Variants in TRNT1 observed in about 807,000 individuals in gnomAD.
TRNT1 encodes tRNA nucleotidyl transferase 1, also known as CCA tRNA nucleotidyltransferase 1, mitochondrial.
In TRNT1, 44 loss-of-function variants were observed where a neutral mutation model predicts 45.6. That is an observed-to-expected ratio of 0.97 (90% CI 0.76 to 1.24). The LOEUF (loss-of-function observed/expected upper bound fraction) is 1.24, where lower values mean the gene tolerates loss of function less well. TRNT1 is among the 50% of genes most tolerant of loss of function. The probability of loss-of-function intolerance (pLI) is 0.00; values close to 1 mark genes in which losing one functional copy is unlikely to be tolerated. For synonymous variants in TRNT1, 201 were observed against 171.4 expected (o/e 1.17, Z -1.35); for missense variants, 633 against 504.4 (o/e 1.25, Z -2.44).
chr3:3,140,736 T>C (rs1047883464), intron 4 of TRNT1, 88 bp downstream of exon 4: 25 of 1,472,766 alleles, frequency 1.7e-5, no homozygotes, highest in Non-Finnish European at 1.9e-5. Flanking sequence ...GTTCTTCAAC[T>C]TGAGAAGTTG....
At chr3:3,129,847 G>A in intron 2 of TRNT1, 1 of 1,549,104 alleles carries the variant, frequency 6.5e-7, no homozygotes, top group Non-Finnish European at 8.7e-7. Context: ...TAACTAGAGA[G>A]CTAGGTTTCG....
chr3:3,143,185 T>A (rs530474138), intron 4 of TRNT1, among the ~76,000 whole-genome samples: 1 of 152,280 alleles, frequency 6.6e-6, no homozygotes, highest in East Asian at 1.9e-4. Context: ...AAATTCCTTT[T>A]TCTATTTTTT....
In TRNT1 at chr3:3,148,389, G is replaced by A. The variant is rs1706209649; in HGVS notation, c.*235G>A. 4.8e-6 allele frequency: 2 copies of A among 414,950 alleles called. No individual in the cohort carries two copies. The highest frequency in any genetic ancestry group is 8.2e-5 in the Admixed American group (2 of 24,270). The allele number at this position is 414,950 out of a possible 1,614,324, so 25.7% of individuals were successfully genotyped here. On this transcript the variant is annotated 3_prime_UTR_variant, in exon 8 of 8. Transcript: ENST00000251607. ...GTTCTTTTGGAATAGTTTCACCTGAGAAAACATAGTTGGCTATTATCTATC... is the reference window on the plus strand; with the variant it reads ...GTTCTTTTGGAATAGTTTCACCTGAAAAAACATAGTTGGCTATTATCTATC...
intron 4 of TRNT1, among the ~76,000 whole-genome samples, chr3:3,142,807 A>C (rs1474894265): frequency 6.6e-6 from 1 of 152,130 alleles, no homozygotes; most frequent in African/African-American, 2.4e-5. Flanking sequence ...TGGATATACC[A>C]TATTATTTGC....
At chr3:3,133,857 C>T (rs1366480498) in intron 2 of TRNT1, among the ~76,000 whole-genome samples, 1 of 152,086 alleles carries the variant, frequency 6.6e-6, no homozygotes, top group Admixed American at 6.5e-5. Context: ...AGCTCCCACT[C>T]ACTGCCCCTT....
rs746183497 is a variant in TRNT1 at position 3,147,603 on chromosome 3, A to G, written c.956A>G (p.Glu319Gly). The G allele has an allele frequency of 1.2e-6, 2 of 1,613,988 alleles. No individual in the cohort carries two copies. The highest frequency in any genetic ancestry group is 1.1e-5 in the South Asian group (1 of 91,080). ...TTGAGGTTGAAGATCGCAAAAGAGGAGAAAAACCTTGGCTTATTTATAGTT... is the reference window on the plus strand; with the variant it reads ...TTGAGGTTGAAGATCGCAAAAGAGGGGAAAAACCTTGGCTTATTTATAGTT... ...LDLRLKIAKEEKNLGLFIVKN... is the reference protein window; with the variant it reads ...LDLRLKIAKEGKNLGLFIVKN... The change falls in exon 7 of 8, where the codon GAG becomes GGG. Residue 319 changes from glutamate (E) to glycine (G), a missense_variant. Glu to Gly is a moderately conservative substitution (Grantham distance 98). Transcript: ENST00000251607.
intron 3 of TRNT1, among the ~76,000 whole-genome samples, chr3:3,139,893 G>T (rs1223103993): frequency 6.6e-6 from 1 of 151,938 alleles, no homozygotes; most frequent in East Asian, 1.9e-4. Context: ...CACCTGGCTG[G>T]TTTTTTTGTA....
chr3:3,137,552 A>G, intron 3 of TRNT1, 99 bp downstream of exon 3: 1 of 1,058,832 alleles, frequency 9.4e-7, no homozygotes, highest in Non-Finnish European at 1.3e-6. Context: ...AGTCTAATAA[A>G]AAAGTCAGTC....
chr3:3,137,370 A>G lies in TRNT1; in HGVS notation c.259A>G (p.Thr87Ala), dbSNP rs140935012. The G allele has an allele frequency of 2.1e-4, 331 of 1,613,814 alleles. No individual in the cohort carries two copies. Among genetic ancestry groups the G allele is most frequent in the Non-Finnish European group, 2.7e-4 (318 of 1,179,888 alleles). Residue 87 changes from threonine (T) to alanine (A), a missense_variant, in exon 3 of 8, where the codon ACT (threonine) becomes GCT (alanine). Transcript: ENST00000251607. ...AGATTTTGCCACCACTGCTACCCCTACTCAAATGAAGGAGATGTTTCAGTC... is the reference window on the plus strand; with the variant it reads ...AGATTTTGCCACCACTGCTACCCCTGCTCAAATGAAGGAGATGTTTCAGTC... Reference protein sequence around the residue: ...DIDFATTATPTQMKEMFQSAG... With the variant: ...DIDFATTATPAQMKEMFQSAG...
intron 1 of TRNT1, 92 bp from the exon 2 acceptor site, chr3:3,128,922 G>C: frequency 4.1e-6 from 4 of 967,390 alleles, no homozygotes; most frequent in Non-Finnish European, 6.1e-6. Context: ...ATGAATTTCT[G>C]AGTTGATAAA....
At chr3:3,151,144 A>G (rs994801149), downstream of TRNT1, 480 of 1,250,840 alleles carry the variant, frequency 3.8e-4, no homozygotes, top group Middle Eastern at 8.0e-4. Flanking sequence ...GGCAAATTCT[A>G]AGGATTAGAG....
chr3:3,143,832 AG>A (rs1431359496), intron 4 of TRNT1, among the ~76,000 whole-genome samples: 1 of 152,212 alleles, frequency 6.6e-6, no homozygotes, highest in Non-Finnish European at 1.5e-5. Flanking sequence ...CACTCCAACC[AG>A]GGTGACAAAG....
rs779515627 is a variant in TRNT1, at chr3:3,129,119, C to T, written c.79C>T (p.Leu27=). The change falls in exon 2 of 8, where the codon CTA becomes TTA. Residue 27 remains leucine, a synonymous_variant. Coordinates refer to ENST00000251607, the MANE Select transcript of TRNT1 (RefSeq NM_182916.3). ...TAGGCTGTGCCTTCCGAAGCAGTAT[C>T]TATTCACAATGAAGTTGCAGTCTCC... ...WSRLCLPKQY[L]FTMKLQSPEF... is the part of the protein sequence containing the mutation. 1.9e-6 allele frequency: 3 copies of T among 1,613,940 alleles called. No homozygotes were observed. Among genetic ancestry groups the T allele is most frequent in the South Asian group, 1.1e-5 (1 of 91,084 alleles).
chr3:3,135,512 G>C (rs1037453725), intron 2 of TRNT1, among the ~76,000 whole-genome samples: 20 of 152,198 alleles, frequency 1.3e-4, no homozygotes, highest in African/African-American at 4.6e-4. Context: ...TGTGGCATTA[G>C]GGGAATATGA....
intron 3 of TRNT1, among the ~76,000 whole-genome samples, chr3:3,139,315 A>T (rs554577420): frequency 6.6e-6 from 1 of 152,192 alleles, no homozygotes; most frequent in African/African-American, 2.4e-5. Flanking sequence ...TTGTGCCTCA[A>T]ATTCTTGAGT....
In TRNT1 at chr3:3,126,959, C is replaced by CGGCGGT. The variant is rs1704609903; in HGVS notation, c.-53_-48dup. 6.5e-6 allele frequency: 1 copy of CGGCGGT among 152,816 alleles called. No individual in the cohort carries two copies. Among genetic ancestry groups the CGGCGGT allele is most frequent in the Non-Finnish European group, 1.5e-5 (1 of 68,524 alleles). 9.5% of individuals were successfully genotyped at this position (152,816 alleles called of 1,614,324 possible). On this transcript the variant is annotated 5_prime_UTR_variant, in exon 1 of 8. Coordinates refer to ENST00000251607, the MANE Select transcript of TRNT1 (RefSeq NM_182916.3). ...TTCACCAGCCCGGAAGTGCGCGTGG[C>CGGCGGT]GGCGGTGGCGGCTGCGGCAACAGCG...
At chr3:3,149,173 T>TCTAAG (rs1209546412), downstream of TRNT1, 1 of 152,106 alleles carries the variant, frequency 6.6e-6, no homozygotes, top group Non-Finnish European at 1.5e-5. Context: ...GTGTAATATT[T>TCTAAG]CTAAGAGGAA....
intron 6 of TRNT1, among the ~76,000 whole-genome samples, chr3:3,147,244 A>G (rs1005381764): frequency 2.0e-5 from 3 of 152,180 alleles, no homozygotes; most frequent in African/African-American, 7.2e-5. Context: ...AATGGAAACA[A>G]GAACATTTTA....
At chr3:3,129,292 A>G (rs994188520) in intron 2 of TRNT1, 104 bp downstream of exon 2, 2 of 1,089,724 alleles carry the variant, frequency 1.8e-6, no homozygotes, top group Non-Finnish European at 2.6e-6. Flanking sequence ...TGTTGTTTTA[A>G]TTATTTTTAT....
Sources: gnomAD v4.1 joint callset for allele counts (sites outside exome capture counted in the v4.1 genomes callset) on GRCh38, gnomAD v4.1.1 for gene constraint, MANE v1.5 for transcripts, NCBI Gene and HGNC (gene_info 2026-07-23, HGNC 2026-07-21) for gene names.